The following PTPRM variants were observed in gnomAD, a reference collection of about 807,000 sequenced individuals.
PTPRM encodes protein tyrosine phosphatase receptor type M.
Under a neutral mutation model 186.7 loss-of-function variants are expected in PTPRM, and 47 were observed. That is an observed-to-expected ratio of 0.25 (90% CI 0.20 to 0.32). PTPRM has a LOEUF of 0.32. Among genes scored for constraint, PTPRM ranks in the 10% least tolerant of loss-of-function variants. The pLI, the probability that PTPRM is intolerant of heterozygous loss-of-function variation, is 1.00. For synonymous variants in PTPRM, 668 were observed against 674.9 expected (o/e 0.99, Z 0.16); for missense variants, 1,494 against 1,865.0 (o/e 0.80, Z 3.66).
At chr18:8,110,433 CA>C (rs2091704415) in intron 11 of PTPRM, among the ~76,000 whole-genome samples, 1 of 152,118 alleles carries the variant, frequency 6.6e-6, no homozygotes, top group Non-Finnish European at 1.5e-5. Context: ...ATTTAAGTGG[CA>C]AACTTGAGTC....
intron 23 of PTPRM, among the ~76,000 whole-genome samples, chr18:8,369,854 G>T (rs2095653407): frequency 6.6e-6 from 1 of 152,168 alleles, no homozygotes; most frequent in Admixed American, 6.5e-5. Flanking sequence ...GGAGGCTGAG[G>T]AGGGAAGATC....
intron 14 of PTPRM, among the ~76,000 whole-genome samples, chr18:8,181,980 C>T (rs898263917): frequency 5.3e-5 from 8 of 152,064 alleles, no homozygotes; most frequent in African/African-American, 1.9e-4. Flanking sequence ...TTTAATTACG[C>T]TGGTCTGTGG....
chr18:7,829,622 A>G (rs969857449), intron 2 of PTPRM, among the ~76,000 whole-genome samples: 20 of 152,240 alleles, frequency 1.3e-4, no homozygotes, highest in Non-Finnish European at 2.5e-4. Flanking sequence ...AAATCTCACA[A>G]TATTATAAAG....
intron 7 of PTPRM, among the ~76,000 whole-genome samples, chr18:8,030,628 T>C (rs1339595544): frequency 6.6e-6 from 1 of 152,126 alleles, no homozygotes; most frequent in Non-Finnish European, 1.5e-5. Context: ...TGAAAACGTT[T>C]TGTCTGTTCT....
chr18:7,613,412 C>T (rs540610122), intron 1 of PTPRM, among the ~76,000 whole-genome samples: 4 of 152,282 alleles, frequency 2.6e-5, no homozygotes, highest in East Asian at 1.9e-4. Flanking sequence ...CGGTGGCTCA[C>T]GCCTGTAATC....
chr18:7,675,703 T>G (rs1256071930), intron 1 of PTPRM, among the ~76,000 whole-genome samples: 1 of 151,744 alleles, frequency 6.6e-6, no homozygotes, highest in South Asian at 2.1e-4. Flanking sequence ...ACTTGGTGGT[T>G]GTTGGGGAAA....
chr18:7,986,478 G>T (rs2082969928), intron 7 of PTPRM, among the ~76,000 whole-genome samples: 1 of 152,180 alleles, frequency 6.6e-6, no homozygotes, highest in South Asian at 2.1e-4. Context: ...GCCAGAATGA[G>T]CTAGCATTGT....
chr18:7,604,986 T>C (rs2037495341), intron 1 of PTPRM, among the ~76,000 whole-genome samples: 1 of 152,214 alleles, frequency 6.6e-6, no homozygotes, highest in Non-Finnish European at 1.5e-5. Flanking sequence ...TTCTTGGTGC[T>C]GACAAATTGA....
chr18:8,283,506 A>T (rs983729238), intron 19 of PTPRM, among the ~76,000 whole-genome samples: 1 of 152,196 alleles, frequency 6.6e-6, no homozygotes, highest in Non-Finnish European at 1.5e-5. Flanking sequence ...TGAGGCAAGG[A>T]TTTATGTCAA....
intron 14 of PTPRM, among the ~76,000 whole-genome samples, chr18:8,170,038 T>C (rs1211313236): frequency 2.0e-5 from 3 of 152,192 alleles, no homozygotes; most frequent in Non-Finnish European, 4.4e-5. Context: ...GAAACCCAGA[T>C]AGGTTCGATG....
At chr18:8,085,532 G>T in intron 9 of PTPRM, 139 bp from the exon 10 acceptor site, 1 of 726,788 alleles carries the variant, frequency 1.4e-6, no homozygotes, top group Admixed American at 2.6e-5. Flanking sequence ...CCCTTCAGTG[G>T]ATTCAGGATT....
At chr18:8,388,202 G>T (rs950022634) in intron 31 of PTPRM, among the ~76,000 whole-genome samples, 1 of 152,156 alleles carries the variant, frequency 6.6e-6, no homozygotes. Context: ...AGAAAGTCAC[G>T]GCAGATAAGG....
intron 2 of PTPRM, among the ~76,000 whole-genome samples, chr18:7,782,216 A>T (rs968678849): frequency 1.3e-5 from 2 of 152,170 alleles, no homozygotes; most frequent in African/African-American, 4.8e-5. Context: ...CGTGGACACC[A>T]TGTGCCCCTT....
intron 21 of PTPRM, among the ~76,000 whole-genome samples, chr18:8,315,122 A>G (rs1365036762): frequency 1.3e-5 from 2 of 151,754 alleles, no homozygotes; most frequent in African/African-American, 4.8e-5. Flanking sequence ...TCCTTTTCTC[A>G]AGGTAGCCCA....
intron 7 of PTPRM, among the ~76,000 whole-genome samples, chr18:8,063,026 C>T (rs2088703418): frequency 6.6e-6 from 1 of 151,200 alleles, no homozygotes; most frequent in Non-Finnish European, 1.5e-5. Flanking sequence ...CCTAATCAAG[C>T]CTGGGCAATG....
chr18:8,125,147 T>C (rs1600700383), intron 13 of PTPRM, among the ~76,000 whole-genome samples: 1 of 151,020 alleles, frequency 6.6e-6, no homozygotes, highest in Non-Finnish European at 1.5e-5. Context: ...GAGGCAGAGG[T>C]TACAGTGAGC....
chr18:8,000,012 A>C (rs1235548591), intron 7 of PTPRM, among the ~76,000 whole-genome samples: 1 of 152,160 alleles, frequency 6.6e-6, no homozygotes, highest in African/African-American at 2.4e-5. Context: ...AAAAACAAAA[A>C]ACAATGTCCC....
chr18:8,350,766 G>A (rs2095530105), intron 23 of PTPRM, among the ~76,000 whole-genome samples: 1 of 152,144 alleles, frequency 6.6e-6, no homozygotes, highest in Admixed American at 6.5e-5. Flanking sequence ...TTATTTCCCA[G>A]CATTCTCTTA....
intron 19 of PTPRM, among the ~76,000 whole-genome samples, chr18:8,281,928 A>T (rs1411925766): frequency 1.3e-5 from 2 of 152,220 alleles, no homozygotes; most frequent in Non-Finnish European, 2.9e-5. Context: ...AGCATTCTCC[A>T]TTAAAGAAGA....
Sources: allele counts gnomAD v4.1 joint callset (sites outside exome capture counted in the v4.1 genomes callset), GRCh38; gene constraint gnomAD v4.1.1; transcripts MANE v1.5; gene names NCBI Gene and HGNC (gene_info 2026-07-23, HGNC 2026-07-21).